GSDMB: variants seen among roughly 807,000 people sequenced by gnomAD.
GSDMB encodes the protein gasdermin-B.
Under a neutral mutation model 42.9 loss-of-function variants are expected in GSDMB, and 32 were observed. The observed-to-expected ratio is 0.75, with a 90% CI of 0.56 to 1.00. GSDMB has a LOEUF of 1.00. Among genes scored for constraint, GSDMB ranks in the 50% least tolerant of loss-of-function variants. The pLI, the probability that GSDMB is intolerant of heterozygous loss-of-function variation, is 0.00. For synonymous variants in GSDMB, 175 were observed against 193.7 expected (o/e 0.90, Z 0.80); for missense variants, 468 against 498.5 (o/e 0.94, Z 0.58).
intron 2 of GSDMB, among the ~76,000 whole-genome samples, chr17:39,915,745 T>C (rs1450608047): frequency 6.6e-6 from 1 of 152,130 alleles, no homozygotes; most frequent in East Asian, 1.9e-4. Context: ...ACTCTGCTTG[T>C]GGAAAGGTCC....
chr17:39,912,311 C>T lies in GSDMB; in HGVS notation c.407+15G>A, dbSNP rs765626121. ...CTTCTTCCCCTCCTTCCCTGCTGCCCAACTCCAACCTCACCTGTTTTCAAG... is the reference window on the plus strand; with the variant it reads ...CTTCTTCCCCTCCTTCCCTGCTGCCTAACTCCAACCTCACCTGTTTTCAAG... On this transcript the variant is annotated intron_variant, in intron 3 of 10. Coordinates refer to ENST00000418519, the MANE Select transcript of GSDMB (RefSeq NM_001165958.2). The T allele has an allele frequency of 6.2e-7, 1 of 1,606,952 alleles. No individual in the cohort carries two copies. The highest frequency in any genetic ancestry group is 8.5e-7 in the Non-Finnish European group (1 of 1,174,916).
intron 2 of GSDMB, among the ~76,000 whole-genome samples, chr17:39,915,615 T>C (rs2063696243): frequency 6.6e-6 from 1 of 152,046 alleles, no homozygotes; most frequent in Non-Finnish European, 1.5e-5. Flanking sequence ...TTTTTTTTTT[T>C]TTTTGAGAGC....
intron 7 of GSDMB, 33 bp from the exon 8 acceptor site, chr17:39,906,304 C>A: frequency 6.2e-7 from 1 of 1,609,290 alleles, no homozygotes; most frequent in Middle Eastern, 1.7e-4. Flanking sequence ...CCTGGGCCAC[C>A]CAGCCCAAAA....
At position 39,907,047 on chromosome 17, in the gene GSDMB, T is replaced by G. The variant is rs1446491799; in HGVS notation, c.701-60A>C. ...AGATCACCTCCAGTCCCCTGCAGAC[T>G]TCTCTTCCCAGTGATGGAAGTTTTT... On this transcript the variant is annotated intron_variant, in intron 6 of 10. Transcript: ENST00000418519. 3.7e-6 allele frequency: 6 copies of G among 1,611,578 alleles called. No individual in the cohort carries two copies. The African/African-American group carries it at 8.0e-5, about 22-fold the overall frequency.
intron 1 of GSDMB, 187 bp from the exon 2 acceptor site, chr17:39,917,517 T>C (rs2063734801): frequency 1.1e-5 from 6 of 554,540 alleles, no homozygotes; most frequent in Non-Finnish European, 1.9e-5. Flanking sequence ...GAAATGAAAA[T>C]AGCCTTAACT....
rs2063478344 is a variant in GSDMB, at chr17:39,904,978, C to T, written c.1099-14G>A. On this transcript the variant is annotated splice_polypyrimidine_tract_variant and intron_variant, in intron 10 of 10. Coordinates refer to ENST00000418519, the MANE Select transcript of GSDMB (RefSeq NM_001165958.2). ...GACAGATTTCACCTGGAAGGAAACC[C>T]CCCAGATTGTAACAGCTAGGAACAA... The T allele has an allele frequency of 6.2e-7, 1 of 1,612,102 alleles. No homozygotes were observed. Among genetic ancestry groups the T allele is most frequent in the South Asian group, 1.1e-5 (1 of 90,968 alleles).
chr17:39,905,366 C>A, intron 10 of GSDMB, 60 bp downstream of exon 10: 2 of 1,211,768 alleles, frequency 1.7e-6, no homozygotes, highest in East Asian at 2.4e-5. Context: ...TTCTGGGTCC[C>A]TTGAGAATAT....
intron 4 of GSDMB, 69 bp from the exon 5 acceptor site, chr17:39,909,111 A>G (rs1273188346): frequency 1.1e-6 from 1 of 897,872 alleles, no homozygotes; most frequent in East Asian, 2.8e-5. Context: ...TGATCTCCCA[A>G]ACAATCCTGT....
intron 6 of GSDMB, among the ~76,000 whole-genome samples, chr17:39,907,909 G>A (rs1484889206): frequency 6.6e-6 from 1 of 152,036 alleles, no homozygotes; most frequent in East Asian, 1.9e-4. Flanking sequence ...GTGCTTCCTA[G>A]GCCAACAAGA....
Position 39,905,441 on chromosome 17 carries a change from A to C in GSDMB, c.1083T>G (p.Pro361=), listed in dbSNP as rs758582567. 1.2e-6 allele frequency: 2 copies of C among 1,606,876 alleles called. No individual in the cohort carries two copies. The highest frequency in any genetic ancestry group is 2.2e-5 in the South Asian group (2 of 89,612). ...GCTGTCTCACCTGGTCCTTCAACAG[A>C]GGAAGGGTCCCCTTCTCCAGGGCCT... ...VAEALEKGTL[P]LLKDQVKSVM... The change falls in exon 10 of 11, where the codon CCT becomes CCG. Residue 361 remains proline (P), a synonymous_variant. Transcript: ENST00000418519.
At position 39,905,445 on chromosome 17, in the gene GSDMB, A is replaced by G. The variant is rs1184454682; in HGVS notation, c.1079T>C (p.Leu360Pro). 1.2e-6 allele frequency: 2 copies of G among 1,606,244 alleles called. No individual in the cohort carries two copies. Residue 360 changes from leucine to proline, a missense_variant, in exon 10 of 11, where the codon CTT becomes CCT. Coordinates refer to ENST00000418519, the MANE Select transcript of GSDMB (RefSeq NM_001165958.2). ...FVAEALEKGT[L>P]PLLKDQVKSV... ...TCTCACCTGGTCCTTCAACAGAGGAAGGGTCCCCTTCTCCAGGGCCTCAGC... is the reference window on the plus strand; with the variant it reads ...TCTCACCTGGTCCTTCAACAGAGGAGGGGTCCCCTTCTCCAGGGCCTCAGC...
At position 39,908,985 on chromosome 17, in the gene GSDMB, G is replaced by A. The variant is rs757982606; in HGVS notation, c.634C>T (p.Leu212Phe). The A allele has an allele frequency of 1.2e-6, 2 of 1,607,250 alleles. No individual in the cohort carries two copies. The highest frequency in any genetic ancestry group is 1.7e-6 in the Non-Finnish European group (2 of 1,176,628). The change falls in exon 5 of 11, where the codon CTT (leucine) becomes TTT (phenylalanine). Residue 212 changes from leucine (L) to phenylalanine (F), a missense_variant. Physicochemically the swap from Leu to Phe is conservative, Grantham distance 22. Transcript: ENST00000418519. ...ATCGTCTCCTTGTTGGGGAAGACAAGCTGCTTTACTCGATAGCTCAGGACC... is the reference window on the plus strand; with the variant it reads ...ATCGTCTCCTTGTTGGGGAAGACAAACTGCTTTACTCGATAGCTCAGGACC... ...NRVLSYRVKQ[L>F]VFPNKETMNI...
intron 9 of GSDMB, 85 bp downstream of exon 9, chr17:39,905,762 A>C: frequency 7.0e-7 from 1 of 1,428,198 alleles, no homozygotes; most frequent in Non-Finnish European, 9.7e-7. Context: ...AGCAACATGC[A>C]GCCCCTCCTC....
chr17:39,905,730 G>A (rs774908900), intron 9 of GSDMB, 117 bp downstream of exon 9: 22 of 1,175,842 alleles, frequency 1.9e-5, no homozygotes, highest in Non-Finnish European at 2.6e-5. Flanking sequence ...ACATGAAGGA[G>A]TGCCCCCCAT....
In GSDMB at chr17:39,917,182, A is replaced by T. The variant is rs1281243777; in HGVS notation, c.135T>A (p.Thr45=). ...RCFHLVGEKR[T]FFGCRHYTTG... is the part of the protein sequence containing the mutation. ...TTGTGTAGTGCCGGCATCCAAAGAA[A>T]GTTCTCTTCTCCCCCACCAGATGGA... Residue 45 remains threonine (T), a synonymous_variant, in exon 2 of 11, where the codon ACT becomes ACA. Transcript: ENST00000418519. 1 of 1,614,166 alleles carries T rather than the reference A, an allele frequency of 6.2e-7. No individual in the cohort carries two copies. The highest frequency in any genetic ancestry group is 1.1e-5 in the South Asian group (1 of 91,084).
At chr17:39,916,362 A>C (rs912803584) in intron 2 of GSDMB, among the ~76,000 whole-genome samples, 5 of 147,328 alleles carry the variant, frequency 3.4e-5, no homozygotes, top group Non-Finnish European at 7.4e-5. Context: ...AGCTCACGGC[A>C]ACCTGCACCT....
intron 2 of GSDMB, among the ~76,000 whole-genome samples, chr17:39,912,806 T>C (rs184353701): frequency 1.8e-4 from 27 of 152,344 alleles, no homozygotes; most frequent in African/African-American, 6.3e-4. Flanking sequence ...GTCTACTTCC[T>C]ATATTTAGGG....
rs955631302 is a variant in GSDMB at position 39,909,531 on chromosome 17, A to G, written c.576+225T>C. ...GGACAACATGCAAGACCTCATCTCT[A>G]TTTAAAAAAGAAAGAAAGAAAATGC... is the stretch of plus-strand genomic sequence containing the variant. On this transcript the variant is annotated intron_variant, in intron 4 of 10. Coordinates refer to ENST00000418519, the MANE Select transcript of GSDMB (RefSeq NM_001165958.2). 1.6e-5 allele frequency: 8 copies of G among 511,994 alleles called. 1 individual carries two copies. Among genetic ancestry groups the G allele is most frequent in the Non-Finnish European group, 2.4e-5 (7 of 286,020 alleles). The allele number at this position is 511,994 out of a possible 1,614,324, so 31.7% of individuals were successfully genotyped here.
rs573624336 is a variant in GSDMB, at chr17:39,907,255, G to A, written c.701-268C>T. On this transcript the variant is annotated intron_variant, in intron 6 of 10. Transcript: ENST00000418519. ...CCAGAAAGGGGGCAGCATACACTCA[G>A]TCGCTCCGCAAATTTGGGTCAGACT... is the stretch of plus-strand genomic sequence containing the variant. 3 of 1,249,362 alleles carry A rather than the reference G, an allele frequency of 2.4e-6. No individual in the cohort carries two copies. The African/African-American group carries it at 4.6e-5, about 19-fold the overall frequency. The allele number at this position is 1,249,362 out of a possible 1,614,324, so 77.4% of individuals were successfully genotyped here. A position where few individuals can be genotyped will look rare whatever the true frequency, so the allele number is the denominator to read the frequency against.
Sources: gnomAD v4.1 joint callset for allele counts (sites outside exome capture counted in the v4.1 genomes callset) on GRCh38, gnomAD v4.1.1 for gene constraint, MANE v1.5 for transcripts, NCBI Gene and HGNC (gene_info 2026-07-23, HGNC 2026-07-21) for gene names.